PRKCI: variants seen among roughly 807,000 people sequenced by gnomAD.
The protein encoded by PRKCI is protein kinase C iota, also known as protein kinase C iota type.
In PRKCI, 43 loss-of-function variants were observed where a neutral mutation model predicts 84.0. That is an observed-to-expected ratio of 0.51 (90% CI 0.40 to 0.66). The LOEUF (loss-of-function observed/expected upper bound fraction) is 0.66, where lower values mean the gene tolerates loss of function less well. Among genes scored for constraint, PRKCI ranks in the 30% least tolerant of loss-of-function variants. The pLI, the probability that PRKCI is intolerant of heterozygous loss-of-function variation, is 0.00. For synonymous variants in PRKCI, 216 were observed against 234.4 expected (o/e 0.92, Z 0.72); for missense variants, 459 against 745.6 (o/e 0.62, Z 4.48).
chr3:170,229,226 A>T (rs777604898), intron 1 of PRKCI, among the ~76,000 whole-genome samples: 34 of 152,232 alleles, frequency 2.2e-4, no homozygotes, highest in Non-Finnish European at 4.6e-4. Context: ...CCACACATGC[A>T]TCTGCAACTT....
chr3:170,277,923 G>T (rs1734157703), intron 8 of PRKCI, among the ~76,000 whole-genome samples: 3 of 151,994 alleles, frequency 2.0e-5, no homozygotes, highest in Non-Finnish European at 4.4e-5. Flanking sequence ...TCCTACGTCT[G>T]TTCCTCCATC....
intron 2 of PRKCI, among the ~76,000 whole-genome samples, chr3:170,237,831 G>C (rs924677269): frequency 2.0e-5 from 3 of 152,196 alleles, no homozygotes; most frequent in African/African-American, 7.2e-5. Flanking sequence ...GAAGCCTCCT[G>C]TTTTTCCTTT....
intron 2 of PRKCI, among the ~76,000 whole-genome samples, chr3:170,257,804 A>G (rs1453057379): frequency 1.3e-5 from 2 of 151,560 alleles, no homozygotes; most frequent in Non-Finnish European, 2.9e-5. Context: ...AGCTGGGACA[A>G]CAGGCACGTG....
intron 2 of PRKCI, among the ~76,000 whole-genome samples, chr3:170,246,814 A>G (rs1733300117): frequency 6.6e-6 from 1 of 152,218 alleles, no homozygotes; most frequent in Non-Finnish European, 1.5e-5. Flanking sequence ...CCATTAAACA[A>G]TAACTCCCTA....
intron 12 of PRKCI, among the ~76,000 whole-genome samples, chr3:170,285,159 C>A (rs1734345735): frequency 6.6e-6 from 1 of 151,054 alleles, no homozygotes; most frequent in Admixed American, 6.6e-5. Flanking sequence ...GGCTCAGTGC[C>A]AGCTCCGCCT....
At chr3:170,259,039 A>G (rs567769954) in intron 2 of PRKCI, among the ~76,000 whole-genome samples, 103 of 152,142 alleles carry the variant, frequency 6.8e-4, no homozygotes, top group Admixed American at 9.8e-4. Context: ...AGCTATTTGG[A>G]AGGCTGAGGC....
At position 170,303,606 on chromosome 3, in the gene PRKCI, T is replaced by A. The variant is rs974184804; in HGVS notation, c.*479T>A. ...TTTGGAGTTCTTTATGTTTAAAAATTCAGGTGTAAATTTTATTGCCTTGGA... is the reference window on the plus strand; with the variant it reads ...TTTGGAGTTCTTTATGTTTAAAAATACAGGTGTAAATTTTATTGCCTTGGA... On this transcript the variant is annotated 3_prime_UTR_variant, in exon 18 of 18. Transcript: ENST00000295797. 7 of 226,560 alleles carry A rather than the reference T, an allele frequency of 3.1e-5. No individual in the cohort carries two copies. Among genetic ancestry groups the A allele is most frequent in the Admixed American group, 2.8e-4 (5 of 17,570 alleles). 14.0% of individuals were successfully genotyped at this position (226,560 alleles called of 1,614,324 possible).
chr3:170,283,739 G>A (rs972155829), intron 11 of PRKCI, among the ~76,000 whole-genome samples: 2 of 152,114 alleles, frequency 1.3e-5, no homozygotes, highest in African/African-American at 4.8e-5. Flanking sequence ...CAGGACAAGG[G>A]CTTAAGTTCC....
At chr3:170,246,748 A>G (rs1406075443) in intron 2 of PRKCI, among the ~76,000 whole-genome samples, 2 of 152,246 alleles carry the variant, frequency 1.3e-5, no homozygotes, top group African/African-American at 4.8e-5. Context: ...TTGTACAACT[A>G]TTAACAGTAT....
chr3:170,252,083 G>A lies in PRKCI; in HGVS notation c.224-7886G>A, dbSNP rs113554694. Among the ~76,000 whole-genome samples, 817 of 152,028 alleles carry A rather than the reference G, an allele frequency of 5.4e-3. 5 individuals are homozygous for A. The highest frequency in any genetic ancestry group is 0.018 in the African/African-American group (737 of 41,478). On this transcript the variant is annotated intron_variant, in intron 2 of 17. Coordinates refer to ENST00000295797, the MANE Select transcript of PRKCI (RefSeq NM_002740.6). ...ACAAAAATTAGCCAGGCGTGGCGGC[G>A]TGTGCCTGTAGTCCCAGCTGCTGGG...
intron 1 of PRKCI, among the ~76,000 whole-genome samples, chr3:170,233,920 T>C (rs2108836537): frequency 6.6e-6 from 1 of 152,058 alleles, no homozygotes; most frequent in African/African-American, 2.4e-5. Flanking sequence ...GGAGTTTCAC[T>C]GTGTTTGCCG....
intron 8 of PRKCI, among the ~76,000 whole-genome samples, chr3:170,277,730 T>C (rs546606924): frequency 6.6e-6 from 1 of 152,236 alleles, no homozygotes; most frequent in African/African-American, 2.4e-5. Flanking sequence ...AATAACACTT[T>C]TACTGTTTCT....
intron 2 of PRKCI, among the ~76,000 whole-genome samples, chr3:170,245,819 C>T (rs1733261247): frequency 6.6e-6 from 1 of 152,148 alleles, no homozygotes; most frequent in Non-Finnish European, 1.5e-5. Context: ...TCAAGCAGTC[C>T]TCCTAGCTGA....
At chr3:170,300,793 T>G (rs1036563208) in intron 17 of PRKCI, among the ~76,000 whole-genome samples, 2 of 152,208 alleles carry the variant, frequency 1.3e-5, no homozygotes, top group African/African-American at 2.4e-5. Context: ...TGTAAAGCAT[T>G]TTGGGGTCAG....
chr3:170,245,950 T>TTTTTTTTGTTTGTTTGTTTG (rs1553837897), intron 2 of PRKCI, among the ~76,000 whole-genome samples: 8,984 of 43,026 alleles, frequency 0.21, 284 homozygotes, highest in Non-Finnish European at 0.26. Context: ...TATGTCTTTG[T>TTTTTTTTGTTTGTTTGTTTG]TTTTTTTTTT....
At chr3:170,290,281 G>A (rs549622421) in intron 12 of PRKCI, among the ~76,000 whole-genome samples, 1 of 151,936 alleles carries the variant, frequency 6.6e-6, no homozygotes, top group South Asian at 2.1e-4. Flanking sequence ...TGATTCAGTT[G>A]TCTTTAGACT....
chr3:170,275,506 T>A (rs1734094500), intron 8 of PRKCI, among the ~76,000 whole-genome samples: 2 of 152,156 alleles, frequency 1.3e-5, no homozygotes, highest in African/African-American at 4.8e-5. Context: ...ATTTTCATTT[T>A]AAAATAGCTT....
chr3:170,280,905 T>TA lies in PRKCI; in HGVS notation c.883-254dup, dbSNP rs1192248317. Among the ~76,000 whole-genome samples, 12 of 152,252 alleles carry TA rather than the reference T, an allele frequency of 7.9e-5. No individual in the cohort carries two copies. The East Asian group carries it at 1.2e-3, about 15-fold the overall frequency. On this transcript the variant is annotated intron_variant, in intron 9 of 17. Transcript: ENST00000295797. ...AAGTAATTTGATTATTAGATTTTTT[T>TA]AAAAAAACAAAAATCAAACCACATT...
At chr3:170,293,560 A>C (rs780169332) in intron 14 of PRKCI, 52 bp downstream of exon 14, 6 of 1,566,134 alleles carry the variant, frequency 3.8e-6, no homozygotes, top group Non-Finnish European at 5.2e-6. Flanking sequence ...ATTCTAGAGT[A>C]CAAATGAGAG....
Sources: allele counts gnomAD v4.1 joint callset (sites outside exome capture counted in the v4.1 genomes callset), GRCh38; gene constraint gnomAD v4.1.1; transcripts MANE v1.5; gene names NCBI Gene and HGNC (gene_info 2026-07-23, HGNC 2026-07-21).